The following MMP15 variants were observed in gnomAD, a reference collection of about 807,000 sequenced individuals.
MMP15 encodes matrix metallopeptidase 15.
MMP15 carries 36 observed loss-of-function variants against 65.0 expected under a neutral mutation model. The observed-to-expected ratio is 0.55, with a 90% CI of 0.42 to 0.73. MMP15 has a LOEUF of 0.73. Ranked by LOEUF, MMP15 falls within the 30% of genes least tolerant of loss-of-function variation. The pLI is 0.00. For synonymous variants in MMP15, 428 were observed against 410.2 expected (o/e 1.04, Z -0.52); for missense variants, 870 against 987.8 (o/e 0.88, Z 1.60).
At position 58,026,522 on chromosome 16, in the gene MMP15, C is replaced by A; in HGVS notation, c.162+10C>A. The A allele has an allele frequency of 7.6e-7, 1 of 1,321,254 alleles. No individual in the cohort carries two copies. 81.8% of individuals were successfully genotyped at this position (1,321,254 alleles called of 1,614,324 possible). ...GGAGGTCCATGCCGAGGTAAGACCC[C>A]CGCCCTGCCCTTTGGCTGCGGGCTG... is the stretch of plus-strand genomic sequence containing the variant. On this transcript the variant is annotated intron_variant, in intron 1 of 9. Transcript: ENST00000219271.
intron 2 of MMP15, among the ~76,000 whole-genome samples, 169 bp downstream of exon 2, chr16:58,037,789 C>CTTGT (rs1166088309): frequency 6.6e-6 from 1 of 152,128 alleles, no homozygotes; most frequent in Non-Finnish European, 1.5e-5. Context: ...TGCCCAAAGC[C>CTTGT]TTGTATTGAG....
Position 58,045,560 on chromosome 16 carries a change from C to G in MMP15, c.*114C>G. On this transcript the variant is annotated 3_prime_UTR_variant, in exon 10 of 10. Transcript: ENST00000219271. ...CCCTCTCAGCCCTCACACACCCTGT[C>G]TGCCCCGCCCTCATTATTTATGTCC... The G allele has an allele frequency of 1.3e-6, 1 of 786,984 alleles. No homozygotes were observed. The highest frequency in any genetic ancestry group is 1.7e-5 in the African/African-American group (1 of 57,226). 48.8% of individuals were successfully genotyped at this position (786,984 alleles called of 1,614,324 possible).
intron 1 of MMP15, 48 bp downstream of exon 1, chr16:58,026,560 G>C (rs1040262523): frequency 7.8e-7 from 1 of 1,285,036 alleles, no homozygotes; most frequent in East Asian, 3.1e-5. Context: ...GGCTTGGAGG[G>C]AGAGGCGCCA....
Position 58,043,626 on chromosome 16 carries a change from A to G in MMP15, c.1569A>G (p.Ala523=). Residue 523 remains alanine (A), a splice_region_variant and synonymous_variant, in exon 9 of 10, where the codon GCA becomes GCG. Coordinates refer to ENST00000219271, the MANE Select transcript of MMP15 (RefSeq NM_002428.4). ...SPKGAFLSND[A]AYTYFYKGTK... is the part of the protein sequence containing the mutation. ...AAGGGGCCTTCCTGAGCAATGACGC[A>G]GGTACCTGGCCAGCCCCTCCCAGTT... The G allele has an allele frequency of 2.5e-6, 4 of 1,606,566 alleles. No homozygotes were observed. The highest frequency in any genetic ancestry group is 3.4e-6 in the Non-Finnish European group (4 of 1,176,480).
At chr16:58,036,806 C>G (rs1597064046) in intron 1 of MMP15, among the ~76,000 whole-genome samples, 1 of 152,198 alleles carries the variant, frequency 6.6e-6, no homozygotes, top group African/African-American at 2.4e-5. Flanking sequence ...CTTTTGGGTC[C>G]TTGGCCTGGT....
Position 58,026,432 on chromosome 16 carries a change from C to T in MMP15, c.82C>T (p.Arg28Ter). The T allele has an allele frequency of 2.1e-6, 3 of 1,449,360 alleles. No homozygotes were observed. The highest frequency in any genetic ancestry group is 1.8e-6 in the Non-Finnish European group (2 of 1,104,318). The allele number at this position is 1,449,360 out of a possible 1,614,324, so 89.8% of individuals were successfully genotyped here. ...CGACCGGGAGGAGGCGGCGCGGCCG[C>T]GACTGCTGCCGCTGCTCCTGGTGCT... ...LGDREEAARP[R>*]LLPLLLVLLG... The change falls in exon 1 of 10, where the codon CGA becomes TGA. Residue 28 changes from arginine to a stop codon, truncating the protein, a stop_gained. Transcript: ENST00000219271. LOFTEE classifies it high-confidence loss of function.
chr16:58,040,317 C>T (rs975449214), intron 4 of MMP15, 135 bp downstream of exon 4: 22 of 1,059,912 alleles, frequency 2.1e-5, no homozygotes, highest in Non-Finnish European at 2.8e-5. Context: ...GATCACTACA[C>T]TCAATTTCAG....
At position 58,045,338 on chromosome 16, in the gene MMP15, G is replaced by A; in HGVS notation, c.1902G>A (p.Leu634=). 6.2e-7 allele frequency: 1 copy of A among 1,606,808 alleles called. No individual in the cohort carries two copies. Among genetic ancestry groups the A allele is most frequent in the Non-Finnish European group, 8.5e-7 (1 of 1,178,098 alleles). The change falls in exon 10 of 10, where the codon CTG becomes CTA. Residue 634 remains leucine (L), a synonymous_variant. Coordinates refer to ENST00000219271, the MANE Select transcript of MMP15 (RefSeq NM_002428.4). ...TGGTGATGGTGCTGGTGCCACTGCT[G>A]CTGCTGCTCTGCGTCCTGGGCCTCA... ...VNVVMVLVPL[L]LLLCVLGLTY...
chr16:58,033,670 A>G (rs1290844336), intron 1 of MMP15, among the ~76,000 whole-genome samples: 1 of 152,256 alleles, frequency 6.6e-6, no homozygotes, highest in Non-Finnish European at 1.5e-5. Context: ...TGGGAGGCCA[A>G]GGCAGGCGGA....
intron 1 of MMP15, among the ~76,000 whole-genome samples, chr16:58,033,293 A>C (rs554501382): frequency 6.6e-6 from 1 of 152,328 alleles, no homozygotes; most frequent in South Asian, 2.1e-4. Context: ...AGCTGGTGAT[A>C]CTTCAGAAGC....
chr16:58,030,148 T>TGGA (rs1963874910), intron 1 of MMP15, among the ~76,000 whole-genome samples: 1 of 152,198 alleles, frequency 6.6e-6, no homozygotes, highest in Admixed American at 6.5e-5. Flanking sequence ...GCTTTGGTCC[T>TGGA]GGAGATGTGT....
Position 58,046,311 on chromosome 16 carries a change from G to C in MMP15, c.*865G>C, listed in dbSNP as rs1050779. 28,364 of 152,950 alleles carry C rather than the reference G, an allele frequency of 0.19. 3,362 individuals carry two copies. The highest frequency in any genetic ancestry group is 0.34 in the East Asian group (1,757 of 5,146). 9.5% of individuals were successfully genotyped at this position (152,950 alleles called of 1,614,324 possible). A position where few individuals can be genotyped will look rare whatever the true frequency, so the allele number is the denominator to read the frequency against. On this transcript the variant is annotated 3_prime_UTR_variant, in exon 10 of 10. Transcript: ENST00000219271. ...CAGGGGTCTGAGCTCCAGCTCCTTT[G>C]GGCTTCAGCTGCCAGTGTCCTGAGC... is the stretch of plus-strand genomic sequence containing the variant.
In MMP15 at chr16:58,041,749, C is replaced by G; in HGVS notation, c.1043C>G (p.Pro348Arg). The G allele has an allele frequency of 9.4e-6, 15 of 1,600,454 alleles. No homozygotes were observed. Among genetic ancestry groups the G allele is most frequent in the Non-Finnish European group, 1.3e-5 (15 of 1,173,384 alleles). The stretch of plus-strand genomic sequence containing the variant: ...CCAGGTGGGAAGCCAGAGCGGCCCC[C>G]AAAGCCGGGCCCCCCAGTCCAGCCC... ...PPPGGKPERP[P>R]KPGPPVQPRA... Residue 348 changes from proline (P) to arginine (R), a missense_variant, in exon 6 of 10, where the codon CCA becomes CGA. Coordinates refer to ENST00000219271, the MANE Select transcript of MMP15 (RefSeq NM_002428.4).
chr16:58,034,345 T>C (rs1959289640), intron 1 of MMP15, among the ~76,000 whole-genome samples: 1 of 152,130 alleles, frequency 6.6e-6, no homozygotes, highest in South Asian at 2.1e-4. Flanking sequence ...CAGCAGCACC[T>C]CTGGCCCCAC....
intron 1 of MMP15, among the ~76,000 whole-genome samples, chr16:58,031,274 C>T (rs1313860017): frequency 6.6e-6 from 1 of 152,186 alleles, no homozygotes; most frequent in African/African-American, 2.4e-5. Context: ...GCCTAGGGTG[C>T]CATCCTGTGG....
At chr16:58,026,690 A>C (rs1262003190) in intron 1 of MMP15, among the ~76,000 whole-genome samples, 178 bp downstream of exon 1, 19 of 151,994 alleles carry the variant, frequency 1.3e-4, no homozygotes, top group Non-Finnish European at 1.5e-5. Context: ...TCTGCAGCGC[A>C]CCTCTTCGCA....
At chr16:58,034,907 C>T (rs940278512) in intron 1 of MMP15, among the ~76,000 whole-genome samples, 1 of 151,594 alleles carries the variant, frequency 6.6e-6, no homozygotes, top group South Asian at 2.1e-4. Flanking sequence ...TGCTTTCCTC[C>T]CCAGGGCCCC....
intron 1 of MMP15, among the ~76,000 whole-genome samples, chr16:58,027,614 C>G (rs983349813): frequency 2.6e-5 from 4 of 152,154 alleles, no homozygotes; most frequent in Non-Finnish European, 4.4e-5. Flanking sequence ...CCCTGGCCCA[C>G]GGCGGCTTTC....
intron 1 of MMP15, among the ~76,000 whole-genome samples, chr16:58,031,534 A>G (rs1236168187): frequency 6.6e-6 from 1 of 152,148 alleles, no homozygotes; most frequent in Non-Finnish European, 1.5e-5. Context: ...CCTGGCTAAC[A>G]GAGGCCTCTT....
Sources: gnomAD v4.1 joint callset for allele counts (sites outside exome capture counted in the v4.1 genomes callset) on GRCh38, gnomAD v4.1.1 for gene constraint, MANE v1.5 for transcripts, NCBI Gene and HGNC (gene_info 2026-07-23, HGNC 2026-07-21) for gene names.